The following DSE variants were observed in gnomAD, a reference collection of about 807,000 sequenced individuals.
The protein encoded by DSE is dermatan-sulfate epimerase.
DSE carries 36 observed loss-of-function variants against 84.4 expected under a neutral mutation model. That is an observed-to-expected ratio of 0.43 (90% CI 0.33 to 0.56). The LOEUF is 0.56. Ranked by LOEUF, DSE falls within the 20% of genes least tolerant of loss-of-function variation. DSE has a pLI of 0.06. For synonymous variants in DSE, 410 were observed against 430.1 expected, an observed-to-expected ratio of 0.95 and a Z score of 0.58; for missense variants, 862 against 1,169.6, an observed-to-expected ratio of 0.74 and a Z score of 3.84.
intron 1 of DSE, among the ~76,000 whole-genome samples, chr6:116,393,597 G>A (rs1449226526): frequency 6.6e-6 from 1 of 152,124 alleles, no homozygotes; most frequent in Non-Finnish European, 1.5e-5. Flanking sequence ...ATTTCATTTT[G>A]TGGATGACAG....
chr6:116,399,247 C>A lies in DSE; in HGVS notation c.-4C>A. The A allele has an allele frequency of 1.9e-6, 3 of 1,613,584 alleles. No individual in the cohort carries two copies. The highest frequency in any genetic ancestry group is 1.7e-6 in the Non-Finnish European group (2 of 1,180,024). ...CCTTGGAGATTTGGAGATCTGATGC[C>A]ACGATGAGGACTCACACACGGGGGG... On this transcript the variant is annotated 5_prime_UTR_variant, in exon 2 of 6. Coordinates refer to ENST00000644252, the MANE Select transcript of DSE (RefSeq NM_013352.4).
intron 1 of DSE, among the ~76,000 whole-genome samples, chr6:116,381,866 G>A (rs1164807499): frequency 6.6e-6 from 1 of 152,110 alleles, no homozygotes; most frequent in Admixed American, 6.6e-5. Context: ...AGTGGTGGAG[G>A]CTAGAAGTCT....
intron 2 of DSE, among the ~76,000 whole-genome samples, chr6:116,267,732 G>A (rs1038165320): frequency 5.3e-5 from 8 of 152,038 alleles, no homozygotes; most frequent in African/African-American, 1.7e-4. Context: ...CCTGAGACTG[G>A]GTAATTTATA....
chr6:116,343,234 C>T (rs916734175), intron 2 of DSE, among the ~76,000 whole-genome samples: 1 of 152,200 alleles, frequency 6.6e-6, no homozygotes, highest in Non-Finnish European at 1.5e-5. Flanking sequence ...CATAGCTGAA[C>T]AAAAGGCAGC....
intron 2 of DSE, among the ~76,000 whole-genome samples, chr6:116,342,178 CATATT>C (rs1240033233): frequency 6.6e-6 from 1 of 150,990 alleles, no homozygotes; most frequent in Non-Finnish European, 1.5e-5. Context: ...GGTTTTTGCA[CATATT>C]ATAATTATTT....
At chr6:116,255,640 G>A (rs912727831) in intron 1 of DSE, 2 of 152,112 alleles carry the variant, frequency 1.3e-5, no homozygotes, top group South Asian at 2.1e-4. Flanking sequence ...TATCGTCTTT[G>A]TAAACACATA....
intron 1 of DSE, among the ~76,000 whole-genome samples, chr6:116,390,560 A>G (rs573335308): frequency 2.3e-4 from 35 of 152,364 alleles, no homozygotes; most frequent in African/African-American, 8.2e-4. Flanking sequence ...TATGCTCAAT[A>G]TTAACTTCTG....
intron 1 of DSE, among the ~76,000 whole-genome samples, chr6:116,378,764 C>A (rs1292184750): frequency 6.6e-6 from 1 of 152,090 alleles, no homozygotes; most frequent in Non-Finnish European, 1.5e-5. Flanking sequence ...TAAGTCCCCA[C>A]CCACATTTCT....
intron 2 of DSE, chr6:116,279,655 A>T: frequency 6.2e-7 from 1 of 1,605,898 alleles, no homozygotes; most frequent in Non-Finnish European, 8.5e-7. Flanking sequence ...TGGAGGCGGG[A>T]GCGCGACGGT....
At position 116,439,027 on chromosome 6, in the gene DSE, C is replaced by G. The variant is rs1784338995; in HGVS notation, c.*1682C>G. On this transcript the variant is annotated 3_prime_UTR_variant, in exon 6 of 6. Coordinates refer to ENST00000644252, the MANE Select transcript of DSE (RefSeq NM_013352.4). ...TAATGTTTTCAAAAGAATAATGCTT[C>G]CGTTTGTCCTGCATGGATGCTCTTA... The G allele has an allele frequency of 6.6e-6, 1 of 152,178 alleles. No individual in the cohort carries two copies. Among genetic ancestry groups the G allele is most frequent in the South Asian group, 2.1e-4 (1 of 4,832 alleles). The allele number at this position is 152,178 out of a possible 1,614,324, so 9.4% of individuals were successfully genotyped here.
rs777621386 is a variant in DSE at position 116,278,926 on chromosome 6, C to T, written c.-54+19959C>T. The stretch of plus-strand genomic sequence containing the variant: ...CTTCACCTCTAAATTGGTTATGTAC[C>T]TTAACATCTCTGCATCTTGGCCCCT... On this transcript the variant is annotated intron_variant, in intron 2 of 3. Coordinates refer to the DSE transcript ENST00000430252. The T allele has an allele frequency of 3.1e-6, 5 of 1,614,064 alleles. No homozygotes were observed. In the South Asian group the frequency reaches 5.5e-5, roughly 18 times the overall value.
intron 2 of DSE, among the ~76,000 whole-genome samples, chr6:116,355,522 G>A (rs7738448): frequency 0.2 from 30,088 of 152,160 alleles, 3,677 homozygotes; most frequent in African/African-American, 0.34. Flanking sequence ...TGCCCTAGTA[G>A]AGTAGCTTCC....
At chr6:116,327,676 TTC>T in intron 2 of DSE, among the ~76,000 whole-genome samples, 1 of 152,316 alleles carries the variant, frequency 6.6e-6, no homozygotes, top group East Asian at 1.9e-4. Flanking sequence ...TGGTAAATAT[TTC>T]TGTTTGTTTC....
At chr6:116,351,073 T>C (rs1047107217) in intron 2 of DSE, among the ~76,000 whole-genome samples, 1 of 152,242 alleles carries the variant, frequency 6.6e-6, no homozygotes, top group African/African-American at 2.4e-5. Context: ...TAGTTTGTTT[T>C]TACATAGTGT....
chr6:116,258,954 C>A (rs773697356), exon 2 of DSE: 2 of 1,511,326 alleles, frequency 1.3e-6, no homozygotes, highest in Non-Finnish European at 1.8e-6. Flanking sequence ...CGGCATACCA[C>A]CCTGCACTGT....
At chr6:116,260,194 A>C (rs1772352534) in intron 2 of DSE, among the ~76,000 whole-genome samples, 1 of 152,060 alleles carries the variant, frequency 6.6e-6, no homozygotes, top group Non-Finnish European at 1.5e-5. Context: ...GGTATGAGAT[A>C]GTATCTCATT....
chr6:116,351,656 GA>G (rs1209000614), intron 2 of DSE, among the ~76,000 whole-genome samples: 1 of 152,110 alleles, frequency 6.6e-6, no homozygotes, highest in East Asian at 1.9e-4. Flanking sequence ...AAGAATAAGG[GA>G]TATTGACCAT....
intron 1 of DSE, among the ~76,000 whole-genome samples, chr6:116,395,916 A>G (rs1781225341): frequency 6.6e-6 from 1 of 152,196 alleles, no homozygotes; most frequent in African/African-American, 2.4e-5. Context: ...TCAGCCTAAA[A>G]CAAGTTTGGT....
chr6:116,312,793 C>A lies in DSE; in HGVS notation c.-54+53826C>A, dbSNP rs1478432967. Among the ~76,000 whole-genome samples the A allele has an allele frequency of 2.0e-5, 3 of 151,648 alleles. No individual in the cohort carries two copies. In the East Asian group the frequency reaches 5.8e-4, roughly 29 times the overall value. ...AATATATATATTTTTATTTTTATTT[C>A]TATATATAAATATGTAGACCCTGGG... On this transcript the variant is annotated intron_variant, in intron 2 of 3. Transcript: ENST00000430252.
Sources: gnomAD v4.1 joint callset for allele counts (sites outside exome capture counted in the v4.1 genomes callset) on GRCh38, gnomAD v4.1.1 for gene constraint, MANE v1.5 for transcripts, NCBI Gene and HGNC (gene_info 2026-07-23, HGNC 2026-07-21) for gene names.